OCRL: variants seen among roughly 807,000 people sequenced by gnomAD.
The protein encoded by OCRL is OCRL inositol polyphosphate-5-phosphatase, also known as inositol polyphosphate 5-phosphatase OCRL.
OCRL carries 8 observed loss-of-function variants against 78.9 expected under a neutral mutation model. That is an observed-to-expected ratio of 0.10 (90% CI 0.06 to 0.18). The LOEUF (loss-of-function observed/expected upper bound fraction) is 0.18. OCRL is among the 10% of genes least tolerant of loss of function. The pLI, the probability that OCRL is intolerant of heterozygous loss-of-function variation, is 1.00. For synonymous variants in OCRL, 240 were observed against 235.4 expected (o/e 1.02, Z -0.18); for missense variants, 454 against 696.7 (o/e 0.65, Z 3.92).
chrX:129,588,099 G>T (rs1326829038), intron 20 of OCRL, 80 bp from the exon 21 acceptor site: 6 of 726,290 alleles, frequency 8.3e-6, no homozygotes, highest in Non-Finnish European at 1.3e-5. Context: ...GCTTCCTGCT[G>T]CTCTTCTGAT....
intron 4 of OCRL, among the ~76,000 whole-genome samples, chrX:129,550,940 T>G (rs1231648955): frequency 9.6e-6 from 1 of 104,667 alleles, no homozygotes; most frequent in Admixed American, 1.0e-4. Flanking sequence ...TGACAGGGTT[T>G]TTTTTTTTTT....
rs1936581372 is a variant in OCRL at position 129,591,172 on chromosome X, G to A, written c.*902G>A. ...GCAACACTGGCCCCACAGTAAAAGA[G>A]GAAGTCTTGTACCTCAGGCAGGCCC... On this transcript the variant is annotated 3_prime_UTR_variant, in exon 24 of 24. Transcript: ENST00000371113. The A allele has an allele frequency of 8.8e-6, 1 of 114,136 alleles. No individual in the cohort carries two copies. Among genetic ancestry groups the A allele is most frequent in the Non-Finnish European group, 1.9e-5 (1 of 53,376 alleles). 9.4% of individuals were successfully genotyped at this position (114,136 alleles called of 1,213,427 possible). A position where few individuals can be genotyped will look rare whatever the true frequency, so the allele number is the denominator to read the frequency against.
intron 4 of OCRL, among the ~76,000 whole-genome samples, chrX:129,552,474 G>T (rs1935976568): frequency 8.9e-6 from 1 of 111,754 alleles, no homozygotes; most frequent in Non-Finnish European, 1.9e-5. Context: ...GCCCAGGCTG[G>T]AGGGCAGTGG....
Position 129,540,305 on chromosome X carries a change from C to T in OCRL, c.-135C>T. The T allele has an allele frequency of 1.4e-6, 1 of 697,618 alleles. No individual in the cohort carries two copies. The highest frequency in any genetic ancestry group is 3.7e-5 in the East Asian group (1 of 27,262). The allele number at this position is 697,618 out of a possible 1,213,427, so 57.5% of individuals were successfully genotyped here. A position where few individuals can be genotyped will look rare whatever the true frequency, so the allele number is the denominator to read the frequency against. On this transcript the variant is annotated 5_prime_UTR_variant, in exon 1 of 24. Coordinates refer to ENST00000371113, the MANE Select transcript of OCRL (RefSeq NM_000276.4). The stretch of plus-strand genomic sequence containing the variant: ...GCTCCCAGCTCCCCGCTCCCGGCTC[C>T]CGGCGCCCGGCGCCCGGCGCGGAGC...
At chrX:129,545,078 T>A in intron 3 of OCRL, 41 bp downstream of exon 3, 2 of 728,428 alleles carry the variant, frequency 2.7e-6, no homozygotes, top group South Asian at 4.2e-5. Flanking sequence ...TAATGTTTTT[T>A]CTCGGTCATT....
intron 18 of OCRL, among the ~76,000 whole-genome samples, chrX:129,581,662 T>C (rs1387689963): frequency 9.4e-6 from 1 of 106,678 alleles, no homozygotes; most frequent in Non-Finnish European, 1.9e-5. Flanking sequence ...ATATACCTTT[T>C]ATTATATATA....
At chrX:129,577,514 G>A (rs904268480) in intron 18 of OCRL, among the ~76,000 whole-genome samples, 4 of 111,721 alleles carry the variant, frequency 3.6e-5, no homozygotes, top group Non-Finnish European at 7.5e-5. Flanking sequence ...GACAGCATAC[G>A]TTATCCTTAC....
At chrX:129,568,070 C>T (rs1171197811) in intron 14 of OCRL, among the ~76,000 whole-genome samples, 4 of 110,195 alleles carry the variant, frequency 3.6e-5, no homozygotes, top group African/African-American at 9.9e-5. Flanking sequence ...CCCGCCACCA[C>T]GCCCGGCTAA....
chrX:129,579,649 C>T (rs73567418), intron 18 of OCRL, among the ~76,000 whole-genome samples: 3,787 of 111,550 alleles, frequency 0.034, 166 homozygotes, highest in African/African-American at 0.12. Flanking sequence ...AAGTGGGAAA[C>T]GGATGAAAAT....
intron 3 of OCRL, among the ~76,000 whole-genome samples, chrX:129,547,313 C>G (rs757392053): frequency 8.1e-4 from 89 of 109,932 alleles, no homozygotes; most frequent in Non-Finnish European, 4.4e-4. Flanking sequence ...ATCACAAGGT[C>G]AGGAGATTGA....
chrX:129,586,005 G>A (rs768453771), intron 19 of OCRL, among the ~76,000 whole-genome samples: 1 of 111,354 alleles, frequency 9.0e-6, no homozygotes, highest in African/African-American at 3.3e-5. Context: ...AGCTAGAGGC[G>A]GGGGAGGGAG....
chrX:129,583,794 A>G (rs1029715955), intron 18 of OCRL, among the ~76,000 whole-genome samples: 4 of 111,629 alleles, frequency 3.6e-5, no homozygotes, highest in Admixed American at 9.5e-5. Flanking sequence ...AATGAAATTC[A>G]TTTATAGTTC....
At chrX:129,561,451 C>T (rs1393506975) in intron 10 of OCRL, among the ~76,000 whole-genome samples, 158 bp downstream of exon 10, 1 of 110,169 alleles carries the variant, frequency 9.1e-6, no homozygotes, top group Admixed American at 9.7e-5. Flanking sequence ...TCCTTATTTC[C>T]TAGAAAAAAA....
Position 129,550,093 on chromosome X carries a change from G to T in OCRL, c.238+1492G>T, listed in dbSNP as rs370318490. Among the ~76,000 whole-genome samples the T allele has an allele frequency of 4.5e-5, 5 of 112,295 alleles. No homozygotes were observed. The South Asian group carries it at 1.1e-3, about 25-fold the overall frequency. On this transcript the variant is annotated intron_variant, in intron 4 of 23. Coordinates refer to ENST00000371113, the MANE Select transcript of OCRL (RefSeq NM_000276.4). ...GCAGGCCTGATTTTAATGTAAATAT[G>T]CATTTTCCCATTGTCTGGATATTGG... is the stretch of plus-strand genomic sequence containing the variant.
intron 2 of OCRL, among the ~76,000 whole-genome samples, chrX:129,541,260 T>A (rs1935796659): frequency 8.9e-6 from 1 of 112,244 alleles, no homozygotes; most frequent in Admixed American, 9.4e-5. Context: ...TGGAAATGCT[T>A]CATTGTTAAC....
At position 129,567,427 on chromosome X, in the gene OCRL, A is replaced by G. The variant is rs1936231354; in HGVS notation, c.1466+64A>G. ...CTTGATCTTATTTCTGACCCTCCAT[A>G]TTGGTAAGGGGCTAGGAATTTTTTA... On this transcript the variant is annotated intron_variant, in intron 14 of 23. Transcript: ENST00000371113. The G allele has an allele frequency of 6.1e-6, 5 of 816,373 alleles. 1 individual carries two copies. The highest frequency in any genetic ancestry group is 9.2e-6 in the Non-Finnish European group (5 of 544,389). The allele number at this position is 816,373 out of a possible 1,213,427, so 67.3% of individuals were successfully genotyped here.
intron 2 of OCRL, among the ~76,000 whole-genome samples, chrX:129,544,736 A>G (rs1029048972): frequency 8.1e-5 from 9 of 111,416 alleles, no homozygotes; most frequent in African/African-American, 2.6e-4. Flanking sequence ...TGTTTTTAGG[A>G]TATATGGCCT....
chrX:129,548,418 A>T, intron 3 of OCRL, 145 bp from the exon 4 acceptor site: 1 of 511,101 alleles, frequency 2.0e-6, no homozygotes, highest in Non-Finnish European at 3.4e-6. Flanking sequence ...AAAAATATTA[A>T]ACGAAAAGGG....
chrX:129,550,719 CTTTTCATTTTGTT>C (rs1421887548), intron 4 of OCRL, among the ~76,000 whole-genome samples: 5 of 110,654 alleles, frequency 4.5e-5, no homozygotes, highest in Non-Finnish European at 9.5e-5. Context: ...ATCTTTTTTG[CTTTTCATTTTGTT>C]TTTTCATTTT....
Sources: gnomAD v4.1 joint callset for allele counts (sites outside exome capture counted in the v4.1 genomes callset) on GRCh38, gnomAD v4.1.1 for gene constraint, MANE v1.5 for transcripts, NCBI Gene and HGNC (gene_info 2026-07-23, HGNC 2026-07-21) for gene names.